AFF3: variants seen among roughly 807,000 people sequenced by gnomAD.
AFF3 encodes the protein AF4/FMR2 family member 3.
AFF3 carries 32 observed loss-of-function variants against 129.7 expected under a neutral mutation model. That is an observed-to-expected ratio of 0.25 (90% CI 0.19 to 0.33). AFF3 has a LOEUF of 0.33. Ranked by LOEUF, AFF3 falls within the 10% of genes least tolerant of loss-of-function variation. The pLI, the probability that AFF3 is intolerant of heterozygous loss-of-function variation, is 1.00. For missense variants in AFF3, 1,373 were observed against 1,592.0 expected (o/e 0.86, Z 2.34); for synonymous variants, 644 against 635.4 (o/e 1.01, Z -0.20).
chr2:99,824,042 A>G (rs1687888293), intron 8 of AFF3, among the ~76,000 whole-genome samples: 1 of 152,180 alleles, frequency 6.6e-6, no homozygotes, highest in Non-Finnish European at 1.5e-5. Flanking sequence ...GCATCATGCA[A>G]TATACCCATG....
At chr2:99,744,882 A>G (rs545991831) in intron 9 of AFF3, among the ~76,000 whole-genome samples, 1 of 152,300 alleles carries the variant, frequency 6.6e-6, no homozygotes, top group Admixed American at 6.5e-5. Flanking sequence ...CATGTTTTCA[A>G]TCCTTTTGTG....
intron 7 of AFF3, among the ~76,000 whole-genome samples, chr2:99,927,968 G>T (rs936134748): frequency 1.3e-5 from 2 of 152,084 alleles, no homozygotes; most frequent in African/African-American, 4.8e-5. Context: ...ATAGTGCATG[G>T]GTCTCATGAG....
intron 13 of AFF3, among the ~76,000 whole-genome samples, chr2:99,617,717 T>C (rs1460049311): frequency 2.6e-5 from 4 of 152,238 alleles, no homozygotes; most frequent in African/African-American, 9.6e-5. Context: ...CGCTTAATAG[T>C]AACAGATGTT....
chr2:99,933,697 AG>A (rs1331082041), intron 7 of AFF3, among the ~76,000 whole-genome samples: 1 of 152,162 alleles, frequency 6.6e-6, no homozygotes, highest in Admixed American at 6.5e-5. Context: ...ATGGCTGCAT[AG>A]TATTCCATGG....
At chr2:99,984,147 A>C (rs1679647050) in intron 7 of AFF3, among the ~76,000 whole-genome samples, 1 of 152,210 alleles carries the variant, frequency 6.6e-6, no homozygotes, top group South Asian at 2.1e-4. Flanking sequence ...AGTGTAAATT[A>C]AAATTTAAAA....
At chr2:99,954,641 C>G (rs1056996173) in intron 7 of AFF3, among the ~76,000 whole-genome samples, 1 of 151,344 alleles carries the variant, frequency 6.6e-6, no homozygotes, top group Non-Finnish European at 1.5e-5. Flanking sequence ...TGGAAATCAT[C>G]ATTCTCAGTA....
intron 7 of AFF3, among the ~76,000 whole-genome samples, chr2:99,920,792 A>G (rs1054413272): frequency 5.3e-5 from 8 of 152,040 alleles, no homozygotes; most frequent in African/African-American, 1.9e-4. Flanking sequence ...ATCTGAAAAA[A>G]TCTACAAGAA....
chr2:100,024,186 C>T (rs1160414486), intron 4 of AFF3, among the ~76,000 whole-genome samples: 1 of 131,654 alleles, frequency 7.6e-6, no homozygotes, highest in Non-Finnish European at 1.5e-5. Context: ...GAGCCGAGAT[C>T]GCGCCACTGC....
Position 99,937,178 on chromosome 2 carries a change from A to G in AFF3, c.873+69454T>C, listed in dbSNP as rs565761685. ...ATAAATTTGAAGTCCAAAATGTTCC[A>G]ATGAGAAGTTCCTTTGAGCGCCACG... is the stretch of plus-strand genomic sequence containing the variant. On this transcript the variant is annotated intron_variant, in intron 7 of 24. Transcript: ENST00000672756. Among the ~76,000 whole-genome samples the G allele has an allele frequency of 1.1e-4, 17 of 152,262 alleles. No individual in the cohort carries two copies. The South Asian group carries it at 3.5e-3, about 32-fold the overall frequency.
chr2:99,566,606 A>G (rs1675993381), intron 19 of AFF3, among the ~76,000 whole-genome samples: 1 of 152,194 alleles, frequency 6.6e-6, no homozygotes, highest in African/African-American at 2.4e-5. Flanking sequence ...AATTTGTGTT[A>G]TTCTTTCCCC....
intron 12 of AFF3, among the ~76,000 whole-genome samples, chr2:99,659,666 GT>G (rs895755172): frequency 8.5e-5 from 13 of 152,154 alleles, no homozygotes; most frequent in Admixed American, 8.5e-4. Flanking sequence ...TCCAGCCTTG[GT>G]GGAATTTAAT....
At chr2:100,013,372 T>TA (rs1205877812) in intron 4 of AFF3, among the ~76,000 whole-genome samples, 2 of 152,212 alleles carry the variant, frequency 1.3e-5, no homozygotes, top group Non-Finnish European at 2.9e-5. Flanking sequence ...ATATGTCCCT[T>TA]AATTATCCTC....
chr2:99,810,573 C>T (rs894422104), intron 8 of AFF3, among the ~76,000 whole-genome samples: 2 of 152,226 alleles, frequency 1.3e-5, no homozygotes, highest in South Asian at 2.1e-4. Context: ...ACACATTAGT[C>T]TTGGCTTTAG....
At chr2:99,925,181 A>G (rs1696137234) in intron 7 of AFF3, among the ~76,000 whole-genome samples, 1 of 152,092 alleles carries the variant, frequency 6.6e-6, no homozygotes, top group Non-Finnish European at 1.5e-5. Flanking sequence ...CCAGCCCCAA[A>G]GGAGAATTTT....
intron 4 of AFF3, among the ~76,000 whole-genome samples, chr2:100,054,750 A>T (rs1305895123): frequency 6.6e-6 from 1 of 152,164 alleles, no homozygotes; most frequent in Non-Finnish European, 1.5e-5. Context: ...ATCCCCAAAG[A>T]TGAACTTTCA....
At chr2:99,621,457 C>T (rs747985639) in intron 13 of AFF3, among the ~76,000 whole-genome samples, 6 of 152,182 alleles carry the variant, frequency 3.9e-5, no homozygotes, top group East Asian at 1.9e-4. Context: ...CCTGCGACCT[C>T]GTCCACCCAG....
chr2:99,859,927 G>A (rs761841842), intron 7 of AFF3, among the ~76,000 whole-genome samples: 12 of 151,730 alleles, frequency 7.9e-5, no homozygotes, highest in Non-Finnish European at 1.5e-4. Flanking sequence ...GCTTATGGTC[G>A]CCCCCCGCAA....
At chr2:99,718,860 C>T (rs1678618520) in intron 11 of AFF3, among the ~76,000 whole-genome samples, 1 of 151,756 alleles carries the variant, frequency 6.6e-6, no homozygotes, top group South Asian at 2.1e-4. Context: ...ATGCCATTCT[C>T]CTGCCTCAGC....
At chr2:100,107,476 A>C in intron 2 of AFF3, 1 of 985,180 alleles carries the variant, frequency 1.0e-6, no homozygotes, top group Non-Finnish European at 1.2e-6. Flanking sequence ...AGAGAAAGAG[A>C]CTCTCTAAAA....
Sources: gnomAD v4.1 joint callset for allele counts (sites outside exome capture counted in the v4.1 genomes callset) on GRCh38, gnomAD v4.1.1 for gene constraint, MANE v1.5 for transcripts, NCBI Gene and HGNC (gene_info 2026-07-23, HGNC 2026-07-21) for gene names.